Variants in SP100 observed in about 807,000 individuals in gnomAD.
SP100 encodes nuclear autoantigen Sp-100.
In SP100, 84 loss-of-function variants were observed where a neutral mutation model predicts 130.0. The observed-to-expected ratio is 0.65, with a 90% confidence interval of 0.54 to 0.77. The LOEUF is 0.77. Among genes scored for constraint, SP100 ranks in the 30% least tolerant of loss-of-function variants. The pLI is 0.00. For missense variants in SP100, 978 were observed against 1,052.2 expected (o/e 0.93, Z 0.97); for synonymous variants, 331 against 351.7 (o/e 0.94, Z 0.66).
Position 230,461,369 on chromosome 2 carries a change from C to G in SP100, c.928C>G (p.Gln310Glu). ...ATTTTCTAATTCAAAAGTTGAGTGC[C>G]AAGCCCAAGCAAGAACTCATCATAA... ...KPFSNSKVEC[Q>E]AQARTHHNQA... is the part of the protein sequence containing the mutation. Residue 310 changes from glutamine to glutamate, a missense_variant, in exon 9 of 29, where the codon CAA becomes GAA. Coordinates refer to ENST00000340126, the MANE Select transcript of SP100 (RefSeq NM_001080391.2). 1 of 1,614,126 alleles carries G rather than the reference C, an allele frequency of 6.2e-7. No homozygotes were observed. Among genetic ancestry groups the G allele is most frequent in the Non-Finnish European group, 8.5e-7 (1 of 1,179,988 alleles).
chr2:230,437,504 T>C lies in SP100; in HGVS notation c.108-5433T>C, dbSNP rs143194415. Reference sequence around the variant, plus strand: ...TAAGATTATGCTGAATATTGATATATATTTCAAGGGTATTGAGAAATATGT... The same window carrying C: ...TAAGATTATGCTGAATATTGATATACATTTCAAGGGTATTGAGAAATATGT... On this transcript the variant is annotated intron_variant, in intron 2 of 28. Coordinates refer to ENST00000340126, the MANE Select transcript of SP100 (RefSeq NM_001080391.2). Among the ~76,000 whole-genome samples the C allele has an allele frequency of 9.2e-3, 1,406 of 152,288 alleles. 23 individuals carry two copies. Among genetic ancestry groups the C allele is most frequent in the African/African-American group, 0.032 (1,347 of 41,550 alleles).
chr2:230,515,841 C>G, intron 24 of SP100: 1 of 1,381,042 alleles, frequency 7.2e-7, no homozygotes, highest in Non-Finnish European at 9.3e-7. Context: ...AGCCACTAAC[C>G]TTTGCCTGGT....
intron 17 of SP100, 32 bp downstream of exon 17, chr2:230,474,479 A>G (rs781641111): frequency 4.1e-6 from 4 of 982,282 alleles, no homozygotes; most frequent in South Asian, 2.9e-5. Flanking sequence ...CTTAATTTTT[A>G]TGTTACAAAT....
intron 25 of SP100, among the ~76,000 whole-genome samples, chr2:230,540,307 A>C (rs768665121): frequency 2.6e-5 from 4 of 152,208 alleles, no homozygotes; most frequent in African/African-American, 4.8e-5. Context: ...ACAGCCTAGT[A>C]GAGAAGGTTG....
chr2:230,486,640 G>A (rs1559514621), intron 17 of SP100, among the ~76,000 whole-genome samples: 1 of 152,176 alleles, frequency 6.6e-6, no homozygotes, highest in Non-Finnish European at 1.5e-5. Context: ...AAACATAGAC[G>A]TGTGCATGTG....
rs963098514 is a variant in SP100, at chr2:230,450,364, A to T, written c.820+109A>T. The T allele has an allele frequency of 1.1e-5, 8 of 706,938 alleles. No individual in the cohort carries two copies. The Admixed American group carries it at 1.8e-4, about 16-fold the overall frequency. The allele number at this position is 706,938 out of a possible 1,614,324, so 43.8% of individuals were successfully genotyped here. A position where few individuals can be genotyped will look rare whatever the true frequency, so the allele number is the denominator to read the frequency against. On this transcript the variant is annotated intron_variant, in intron 8 of 28. Coordinates refer to ENST00000340126, the MANE Select transcript of SP100 (RefSeq NM_001080391.2). ...TTTACCATCGTAACCACTTTTTAAA[A>T]TTACCAGATTAAAAGCTGGATGTAT...
intron 24 of SP100, among the ~76,000 whole-genome samples, chr2:230,528,303 C>T (rs1440113484): frequency 6.6e-6 from 1 of 152,198 alleles, no homozygotes; most frequent in Non-Finnish European, 1.5e-5. Context: ...TACATGGAAA[C>T]TGAACAACCT....
chr2:230,497,272 T>A (rs2066720985), intron 18 of SP100, among the ~76,000 whole-genome samples: 1 of 151,932 alleles, frequency 6.6e-6, no homozygotes, highest in African/African-American at 2.4e-5. Context: ...TGATGAAAGG[T>A]GACTACAACA....
intron 2 of SP100, among the ~76,000 whole-genome samples, chr2:230,425,413 C>T (rs914266650): frequency 5.9e-5 from 9 of 151,696 alleles, no homozygotes; most frequent in African/African-American, 9.7e-5. Context: ...TCATACATGG[C>T]CTTTATGGTA....
chr2:230,478,259 C>T (rs1023804378), intron 17 of SP100, among the ~76,000 whole-genome samples: 4 of 152,130 alleles, frequency 2.6e-5, no homozygotes, highest in African/African-American at 9.7e-5. Context: ...TAAAATTTTA[C>T]AAGCATTTAT....
chr2:230,430,884 G>A (rs1418098829), intron 2 of SP100, among the ~76,000 whole-genome samples: 1 of 152,244 alleles, frequency 6.6e-6, no homozygotes, highest in Non-Finnish European at 1.5e-5. Flanking sequence ...ACCATACTCT[G>A]TAGTTAGGCA....
chr2:230,465,627 GAT>G (rs1358725870), intron 11 of SP100, among the ~76,000 whole-genome samples: 1 of 152,156 alleles, frequency 6.6e-6, no homozygotes, highest in African/African-American at 2.4e-5. Context: ...GAGAAGAAAA[GAT>G]AACTATTGAG....
intron 17 of SP100, among the ~76,000 whole-genome samples, chr2:230,484,525 G>A (rs536128516): frequency 1.3e-5 from 2 of 152,296 alleles, no homozygotes; most frequent in Admixed American, 1.3e-4. Context: ...AACACGCCAT[G>A]ATGATCGATT....
chr2:230,492,688 C>G (rs1164954506), intron 17 of SP100, among the ~76,000 whole-genome samples: 1 of 152,194 alleles, frequency 6.6e-6, no homozygotes, highest in Admixed American at 6.5e-5. Flanking sequence ...CCCTACTGCT[C>G]ACTTTTATTT....
At chr2:230,532,996 G>T (rs1281936086) in intron 24 of SP100, among the ~76,000 whole-genome samples, 1 of 152,122 alleles carries the variant, frequency 6.6e-6, no homozygotes, top group African/African-American at 2.4e-5. Context: ...GGCCAGGCTG[G>T]TGTCGAACGC....
intron 17 of SP100, among the ~76,000 whole-genome samples, chr2:230,482,601 G>A (rs553985166): frequency 1.3e-5 from 2 of 151,278 alleles, no homozygotes; most frequent in East Asian, 1.9e-4. Context: ...GTGGCATAAT[G>A]TAAGGGTCTA....
chr2:230,440,475 G>GT, intron 2 of SP100: 1 of 1,144,936 alleles, frequency 8.7e-7, no homozygotes, highest in Non-Finnish European at 1.1e-6. Flanking sequence ...TATTTCAATA[G>GT]GTTTTTGGAG....
intron 24 of SP100, among the ~76,000 whole-genome samples, chr2:230,525,569 G>C (rs542561501): frequency 6.6e-6 from 1 of 152,222 alleles, no homozygotes; most frequent in Non-Finnish European, 1.5e-5. Flanking sequence ...GTTGGACTCT[G>C]GCTGCAGCCT....
intron 23 of SP100, 71 bp from the exon 24 acceptor site, chr2:230,511,054 G>T: frequency 9.9e-7 from 1 of 1,014,734 alleles, no homozygotes; most frequent in Non-Finnish European, 1.6e-6. Context: ...AAATAAAGAA[G>T]TCTGTTCAAA....
Sources: allele counts gnomAD v4.1 joint callset (sites outside exome capture counted in the v4.1 genomes callset), GRCh38; gene constraint gnomAD v4.1.1; transcripts MANE v1.5; gene names NCBI Gene and HGNC (gene_info 2026-07-23, HGNC 2026-07-21).